TCTN2: variants seen among roughly 807,000 people sequenced by gnomAD.
TCTN2 encodes tectonic-2.
In TCTN2, 66 loss-of-function variants were observed where a neutral mutation model predicts 83.4. The observed-to-expected ratio is 0.79, with a 90% CI of 0.65 to 0.97. TCTN2 has a LOEUF of 0.97. TCTN2 is among the 50% of genes least tolerant of loss of function. The pLI, the probability that TCTN2 is intolerant of heterozygous loss-of-function variation, is 0.00. For missense variants in TCTN2, 794 were observed against 858.1 expected (o/e 0.93, Z 0.93); for synonymous variants, 301 against 326.7 (o/e 0.92, Z 0.85).
Position 123,707,039 on chromosome 12 carries a change from G to A in TCTN2, c.1950G>A (p.Pro650=), listed in dbSNP as rs774741153. 35 of 1,613,660 alleles carry A rather than the reference G, an allele frequency of 2.2e-5. No individual in the cohort carries two copies. The highest frequency in any genetic ancestry group is 1.7e-4 in the Middle Eastern group (1 of 5,804). The change falls in exon 17 of 18, where the codon CCG becomes CCA. Residue 650 remains proline, a synonymous_variant. Transcript: ENST00000303372. ...GCAACAGAAATGAGGTGTGTTGGCC[G>A]CAGCTTCTATATCCATGGACTCAGT... ...YDCNRNEVCW[P]QLLYPWTQYY... is the part of the protein sequence containing the mutation.
chr12:123,685,890 AT>A (rs60954712), intron 5 of TCTN2, among the ~76,000 whole-genome samples: 1,991 of 138,964 alleles, frequency 0.014, 22 homozygotes, highest in African/African-American at 0.039. Context: ...TGCCTGGCTA[AT>A]TTTTTTTTTT....
At chr12:123,679,833 G>A (rs184895311) in intron 5 of TCTN2, among the ~76,000 whole-genome samples, 3,057 of 136,708 alleles carry the variant, frequency 0.022, 87 homozygotes, top group Admixed American at 0.063. Context: ...TCCGCCTCCC[G>A]GGTTCATGCC....
chr12:123,672,536 G>T (rs994722770), intron 3 of TCTN2, among the ~76,000 whole-genome samples: 1 of 151,766 alleles, frequency 6.6e-6, no homozygotes, highest in African/African-American at 2.4e-5. Context: ...AGGAGTTCCA[G>T]ACCAGCCTGT....
In TCTN2 at chr12:123,704,651, G is replaced by A; in HGVS notation, c.1732G>A (p.Gly578Arg). The change falls in exon 15 of 18, where the codon GGG (glycine) becomes AGG (arginine). Residue 578 changes from glycine to arginine, a missense_variant. By Grantham distance (125) the Gly-to-Arg change is moderately radical. Transcript: ENST00000303372. ...ILISDAGAVE[G>R]ITQQEILGVE... is the part of the protein sequence containing the mutation. The stretch of plus-strand genomic sequence containing the variant: ...CATCTCGGATGCTGGCGCGGTGGAA[G>A]GGATTACTCAGCAGGAGATACTCGG... The A allele has an allele frequency of 6.2e-7, 1 of 1,613,152 alleles. No homozygotes were observed. The highest frequency in any genetic ancestry group is 8.5e-7 in the Non-Finnish European group (1 of 1,179,866).
At chr12:123,687,453 C>G (rs943463294) in intron 6 of TCTN2, among the ~76,000 whole-genome samples, 2 of 151,746 alleles carry the variant, frequency 1.3e-5, no homozygotes, top group African/African-American at 4.8e-5. Flanking sequence ...GTCAGGAGAT[C>G]GAGACCATCC....
At chr12:123,695,046 C>T (rs2135846941) in intron 10 of TCTN2, 70 bp downstream of exon 10, 3 of 1,591,016 alleles carry the variant, frequency 1.9e-6, no homozygotes, top group Non-Finnish European at 2.6e-6. Flanking sequence ...TCAAGATTCT[C>T]ATAATTATAA....
At chr12:123,693,938 C>G (rs1349262411) in intron 9 of TCTN2, among the ~76,000 whole-genome samples, 1 of 151,780 alleles carries the variant, frequency 6.6e-6, no homozygotes, top group Non-Finnish European at 1.5e-5. Context: ...ATGCCTTAGC[C>G]TCCTGAGTAG....
intron 5 of TCTN2, among the ~76,000 whole-genome samples, chr12:123,685,807 C>T (rs1164489021): frequency 1.3e-5 from 2 of 149,916 alleles, no homozygotes; most frequent in African/African-American, 2.5e-5. Context: ...CTCACTGCAG[C>T]CTCAGCCTCC....
intron 5 of TCTN2, among the ~76,000 whole-genome samples, 173 bp from the exon 6 acceptor site, chr12:123,686,663 A>G (rs777653369): frequency 3.3e-5 from 5 of 152,208 alleles, no homozygotes; most frequent in Non-Finnish European, 7.3e-5. Flanking sequence ...AAGAAATTCC[A>G]GAACTATTTT....
chr12:123,701,847 T>C (rs916285815), intron 14 of TCTN2, among the ~76,000 whole-genome samples: 2 of 151,966 alleles, frequency 1.3e-5, no homozygotes, highest in Non-Finnish European at 2.9e-5. Flanking sequence ...GTATTTGCAG[T>C]GTTGAATTGG....
In TCTN2 at chr12:123,706,826, G is replaced by A; in HGVS notation, c.1870G>A (p.Ala624Thr). 6.2e-7 allele frequency: 1 copy of A among 1,614,056 alleles called. No homozygotes were observed. The highest frequency in any genetic ancestry group is 8.5e-7 in the Non-Finnish European group (1 of 1,180,016). ...SASVQFIKIP[A>T]QLPHPLTRFQ... ...ATCCGTCCAGTTTATTAAAATTCCT[G>A]CACAGTTACCCCACCCCCTGACAAG... Residue 624 changes from alanine to threonine, a missense_variant, in exon 16 of 18, where the codon GCA becomes ACA. Ala to Thr is a moderately conservative substitution (Grantham distance 58). Coordinates refer to ENST00000303372, the MANE Select transcript of TCTN2 (RefSeq NM_024809.5).
chr12:123,686,432 C>T (rs1417651124), intron 5 of TCTN2, among the ~76,000 whole-genome samples: 1 of 152,140 alleles, frequency 6.6e-6, no homozygotes, highest in Non-Finnish European at 1.5e-5. Context: ...GGAACGTTTC[C>T]CCTCACTCTA....
At chr12:123,679,163 A>T (rs777477545) in intron 4 of TCTN2, 26 bp from the exon 5 acceptor site, 1 of 1,578,416 alleles carries the variant, frequency 6.3e-7, no homozygotes, top group South Asian at 1.1e-5. Flanking sequence ...TCTTAGCTGA[A>T]TTTTTCTGTT....
intron 15 of TCTN2, among the ~76,000 whole-genome samples, chr12:123,705,173 T>TA: frequency 6.6e-6 from 1 of 150,586 alleles, no homozygotes; most frequent in Non-Finnish European, 1.5e-5. Flanking sequence ...TTTTTTTTTT[T>TA]TTTTTTTTGA....
intron 14 of TCTN2, among the ~76,000 whole-genome samples, chr12:123,702,948 A>G (rs977501343): frequency 6.6e-6 from 1 of 152,168 alleles, no homozygotes; most frequent in African/African-American, 2.4e-5. Context: ...GACCTTCGGA[A>G]TCCCTGAAGG....
chr12:123,694,923 T>C lies in TCTN2; in HGVS notation c.1181T>C (p.Ile394Thr), dbSNP rs761329371. ...ATTTTCAAATGGAATAATAATACCA[T>C]CAGTGAAATAAATGTTAAAATTTTT... ...HYIFKWNNNT[I>T]SEINVKIFRA... The change falls in exon 10 of 18, where the codon ATC becomes ACC. Residue 394 changes from isoleucine (I) to threonine (T), a missense_variant. By Grantham distance (89) the Ile-to-Thr change is moderately conservative. Coordinates refer to ENST00000303372, the MANE Select transcript of TCTN2 (RefSeq NM_024809.5). 1.2e-6 allele frequency: 2 copies of C among 1,613,440 alleles called. No homozygotes were observed. Among genetic ancestry groups the C allele is most frequent in the Non-Finnish European group, 1.7e-6 (2 of 1,179,422 alleles).
At chr12:123,706,176 G>C (rs1487427140) in intron 15 of TCTN2, among the ~76,000 whole-genome samples, 2 of 152,184 alleles carry the variant, frequency 1.3e-5, no homozygotes, top group Non-Finnish European at 2.9e-5. Flanking sequence ...CTAGGCTCAG[G>C]TGATGGGTGC....
At chr12:123,680,089 A>G (rs1299525256) in intron 5 of TCTN2, among the ~76,000 whole-genome samples, 1 of 151,922 alleles carries the variant, frequency 6.6e-6, no homozygotes, top group African/African-American at 2.4e-5. Context: ...GCAGTGGCGC[A>G]TACCTGTAAT....
chr12:123,683,236 T>A (rs942362873), intron 5 of TCTN2, among the ~76,000 whole-genome samples: 1 of 151,374 alleles, frequency 6.6e-6, no homozygotes, highest in Non-Finnish European at 1.5e-5. Context: ...AAAATAATAA[T>A]AATAATTTTT....
Sources: allele counts gnomAD v4.1 joint callset (sites outside exome capture counted in the v4.1 genomes callset), GRCh38; gene constraint gnomAD v4.1.1; transcripts MANE v1.5; gene names NCBI Gene and HGNC (gene_info 2026-07-23, HGNC 2026-07-21).